Variants in CPA6 observed in about 807,000 individuals in gnomAD.
CPA6 encodes carboxypeptidase A6, also known as carboxypeptidase B.
Under a neutral mutation model 63.3 loss-of-function variants are expected in CPA6, and 58 were observed. The observed-to-expected ratio is 0.92, with a 90% confidence interval of 0.74 to 1.14. CPA6 has a LOEUF of 1.14. Among genes scored for constraint, CPA6 ranks in the 50% most tolerant of loss-of-function variants. CPA6 has a pLI of 0.00. For synonymous variants in CPA6, 185 were observed against 179.0 expected (o/e 1.03, Z -0.27); for missense variants, 565 against 526.6 (o/e 1.07, Z -0.71).
intron 1 of CPA6, among the ~76,000 whole-genome samples, chr8:67,673,836 G>C (rs1306000741): frequency 6.6e-6 from 1 of 152,106 alleles, no homozygotes; most frequent in Non-Finnish European, 1.5e-5. Flanking sequence ...TCAGGAGCCT[G>C]GTGTTGAACA....
At chr8:67,548,531 T>C (rs1258943178) in intron 2 of CPA6, among the ~76,000 whole-genome samples, 2 of 152,104 alleles carry the variant, frequency 1.3e-5, no homozygotes, top group African/African-American at 4.8e-5. Flanking sequence ...ATTATAGGCA[T>C]GAGCCACTGT....
chr8:67,435,609 TGTGA>T (rs1417655425), intron 8 of CPA6, among the ~76,000 whole-genome samples: 1 of 148,730 alleles, frequency 6.7e-6, no homozygotes. Flanking sequence ...TGACTCAGTG[TGTGA>T]GTGTGTGTGC....
intron 2 of CPA6, among the ~76,000 whole-genome samples, chr8:67,530,445 C>T (rs1438639714): frequency 6.6e-6 from 1 of 152,126 alleles, no homozygotes; most frequent in Non-Finnish European, 1.5e-5. Flanking sequence ...GGAGTAACGA[C>T]AAACTAGTCC....
At chr8:67,520,254 A>C (rs1812232891) in intron 2 of CPA6, among the ~76,000 whole-genome samples, 1 of 152,186 alleles carries the variant, frequency 6.6e-6, no homozygotes, top group South Asian at 2.1e-4. Context: ...TCTGGGGTAC[A>C]TGCTGAAGTA....
At chr8:67,498,876 C>T (rs547271605) in intron 6 of CPA6, among the ~76,000 whole-genome samples, 1 of 152,264 alleles carries the variant, frequency 6.6e-6, no homozygotes, top group African/African-American at 2.4e-5. Flanking sequence ...GTAGCATGTA[C>T]TGCAAACAGA....
intron 2 of CPA6, among the ~76,000 whole-genome samples, chr8:67,571,310 T>C (rs957986700): frequency 6.6e-5 from 10 of 152,168 alleles, no homozygotes; most frequent in Non-Finnish European, 4.4e-5. Flanking sequence ...CAGAAAGTTA[T>C]TGAGGAACCA....
intron 2 of CPA6, among the ~76,000 whole-genome samples, chr8:67,607,181 T>TTCC (rs1814673506): frequency 5.7e-5 from 1 of 17,624 alleles, no homozygotes; most frequent in African/African-American, 2.7e-4. Context: ...CTTCTTCTTC[T>TTCC]TCTTCTTCTT....
chr8:67,438,974 A>T (rs1478662852), intron 8 of CPA6, among the ~76,000 whole-genome samples: 1 of 152,160 alleles, frequency 6.6e-6, no homozygotes, highest in Non-Finnish European at 1.5e-5. Context: ...CATTTAATAG[A>T]AAGTAGTAAA....
Position 67,681,200 on chromosome 8 carries a change from CTTT to C in CPA6, c.117-56952_117-56950del, listed in dbSNP as rs1007305743. Reference sequence around the variant, plus strand: ...CTCAACCCAAGGTCACAAAGATTTTCTTTTTTTTTTTTTTTTTTTTGAGACGGA... The same window carrying C: ...CTCAACCCAAGGTCACAAAGATTTTCTTTTTTTTTTTTTTTTTGAGACGGA... On this transcript the variant is annotated intron_variant, in intron 1 of 10. Coordinates refer to ENST00000297770, the MANE Select transcript of CPA6 (RefSeq NM_020361.5). Among the ~76,000 whole-genome samples the C allele has an allele frequency of 4.3e-4, 39 of 89,872 alleles. 1 individual carries two copies. Among genetic ancestry groups the C allele is most frequent in the African/African-American group, 1.9e-3 (31 of 16,230 alleles). The allele number at this position is 89,872 out of a possible 152,430, so 59.0% of individuals were successfully genotyped here.
intron 1 of CPA6, among the ~76,000 whole-genome samples, chr8:67,650,717 G>A (rs1366486387): frequency 5.9e-5 from 9 of 152,038 alleles, no homozygotes; most frequent in African/African-American, 7.2e-5. Flanking sequence ...AAGAGGGATG[G>A]GAGACTGTCT....
At chr8:67,703,929 T>G (rs2128999107) in intron 1 of CPA6, among the ~76,000 whole-genome samples, 1 of 149,846 alleles carries the variant, frequency 6.7e-6, no homozygotes, top group East Asian at 2.0e-4. Context: ...ATGCTGCTTT[T>G]TTTTTGTTGT....
chr8:67,558,019 A>G (rs1813108039), intron 2 of CPA6, among the ~76,000 whole-genome samples: 1 of 152,086 alleles, frequency 6.6e-6, no homozygotes, highest in Non-Finnish European at 1.5e-5. Context: ...TCTCTAAGCC[A>G]CTGTATGAGC....
At chr8:67,443,864 G>A (rs1038694246) in intron 8 of CPA6, among the ~76,000 whole-genome samples, 11 of 152,148 alleles carry the variant, frequency 7.2e-5, no homozygotes, top group African/African-American at 2.7e-4. Flanking sequence ...CGGTACCAAC[G>A]GGGTGCATCA....
chr8:67,434,030 ATACT>A lies in CPA6; in HGVS notation c.1041+4_1041+7del, dbSNP rs771091901. The A allele has an allele frequency of 2.5e-6, 4 of 1,602,754 alleles. No individual in the cohort carries two copies. Among genetic ancestry groups the A allele is most frequent in the Non-Finnish European group, 3.4e-6 (4 of 1,171,274 alleles). On this transcript the variant is annotated splice_donor_5th_base_variant and intron_variant, in intron 9 of 10. Coordinates refer to ENST00000297770, the MANE Select transcript of CPA6 (RefSeq NM_020361.5). ...GCCTGATGTACATGCACAGGGTCAA[ATACT>A]TACCACACATCTAAAATTGGGAATT...
chr8:67,670,885 A>C (rs1353401718), intron 1 of CPA6, among the ~76,000 whole-genome samples: 1 of 152,226 alleles, frequency 6.6e-6, no homozygotes, highest in Non-Finnish European at 1.5e-5. Context: ...GAAATGAAAC[A>C]TCAAATACCA....
chr8:67,644,339 C>T (rs1242441750), intron 1 of CPA6, among the ~76,000 whole-genome samples: 2 of 152,140 alleles, frequency 1.3e-5, no homozygotes, highest in Non-Finnish European at 2.9e-5. Context: ...AGGATGGTCT[C>T]GATCTCCTGA....
At chr8:67,445,031 T>C (rs1418338147) in intron 8 of CPA6, among the ~76,000 whole-genome samples, 9 of 152,128 alleles carry the variant, frequency 5.9e-5, no homozygotes, top group Non-Finnish European at 1.0e-4. Context: ...AACTGGGGAC[T>C]TTTGCTTTAG....
chr8:67,690,166 G>C (rs1816787479), intron 1 of CPA6, among the ~76,000 whole-genome samples: 1 of 152,094 alleles, frequency 6.6e-6, no homozygotes, highest in Non-Finnish European at 1.5e-5. Flanking sequence ...GAGGAACTGT[G>C]TGTTACTCAG....
At chr8:67,650,613 A>G (rs1430344537) in intron 1 of CPA6, among the ~76,000 whole-genome samples, 3 of 152,126 alleles carry the variant, frequency 2.0e-5, no homozygotes, top group African/African-American at 4.8e-5. Context: ...TGGCTGGTTC[A>G]TGTCTATTGA....
Sources: allele counts gnomAD v4.1 joint callset (sites outside exome capture counted in the v4.1 genomes callset), GRCh38; gene constraint gnomAD v4.1.1; transcripts MANE v1.5; gene names NCBI Gene and HGNC (gene_info 2026-07-23, HGNC 2026-07-21).